NEGR1: variants seen among roughly 807,000 people sequenced by gnomAD.
NEGR1 encodes neuronal growth regulator 1, also known as IgLON family member 4.
In NEGR1, 10 loss-of-function variants were observed where a neutral mutation model predicts 40.9. The observed-to-expected ratio is 0.24, with a 90% confidence interval of 0.15 to 0.42. The LOEUF (loss-of-function observed/expected upper bound fraction) is 0.42, where lower values mean the gene tolerates loss of function less well. Ranked by LOEUF, NEGR1 falls within the 10% of genes least tolerant of loss-of-function variation. The pLI, the probability that NEGR1 is intolerant of heterozygous loss-of-function variation, is 1.00. For missense variants in NEGR1, 352 were observed against 438.9 expected, an observed-to-expected ratio of 0.80 and a Z score of 1.77; for synonymous variants, 185 against 166.8, an observed-to-expected ratio of 1.11 and a Z score of -0.84.
intron 4 of NEGR1, among the ~76,000 whole-genome samples, chr1:71,617,379 A>G (rs1241266015): frequency 3.3e-5 from 5 of 152,236 alleles, no homozygotes; most frequent in Non-Finnish European, 5.9e-5. Context: ...TAGGTTGATG[A>G]ATCTACTGAT....
intron 2 of NEGR1, among the ~76,000 whole-genome samples, chr1:71,829,591 A>G (rs1658766472): frequency 6.6e-6 from 1 of 152,064 alleles, no homozygotes; most frequent in Middle Eastern, 3.4e-3. Flanking sequence ...ACCAAAATCG[A>G]AACGATCAAA....
intron 1 of NEGR1, among the ~76,000 whole-genome samples, chr1:71,946,144 G>A (rs1053558856): frequency 6.6e-6 from 1 of 152,068 alleles, no homozygotes; most frequent in African/African-American, 2.4e-5. Context: ...GACCTCCTGG[G>A]TTCAAGCGAT....
intron 2 of NEGR1, among the ~76,000 whole-genome samples, chr1:71,843,684 C>T (rs934651549): frequency 6.6e-6 from 1 of 152,076 alleles, no homozygotes; most frequent in Non-Finnish European, 1.5e-5. Flanking sequence ...AGAAAATAGT[C>T]TCATCAGTGA....
intron 2 of NEGR1, among the ~76,000 whole-genome samples, chr1:71,813,651 C>CTCTT (rs1480864333): frequency 6.6e-6 from 1 of 152,078 alleles, no homozygotes; most frequent in African/African-American, 2.4e-5. Context: ...TCCTTCACTT[C>CTCTT]TCTTATTAGC....
intron 3 of NEGR1, among the ~76,000 whole-genome samples, chr1:71,769,945 A>G (rs1262280625): frequency 2.6e-5 from 4 of 152,202 alleles, no homozygotes; most frequent in African/African-American, 9.7e-5. Context: ...TTGTATTTGA[A>G]GTTTAAGGAA....
chr1:71,776,385 A>G (rs1656509494), intron 2 of NEGR1, 88 bp from the exon 3 acceptor site: 1 of 783,692 alleles, frequency 1.3e-6, no homozygotes, highest in Admixed American at 3.0e-5. Flanking sequence ...ATCATGCAAG[A>G]AAGGTATGAG....
chr1:71,748,607 A>C (rs925400484), intron 3 of NEGR1, among the ~76,000 whole-genome samples: 7 of 152,162 alleles, frequency 4.6e-5, no homozygotes, highest in Non-Finnish European at 1.0e-4. Flanking sequence ...ATATTTACTT[A>C]TAATATTTCA....
intron 2 of NEGR1, among the ~76,000 whole-genome samples, chr1:71,904,369 A>T (rs545445483): frequency 7.9e-5 from 12 of 152,228 alleles, no homozygotes; most frequent in Admixed American, 6.5e-4. Context: ...TTATAGTAAG[A>T]TCACCAAAAA....
chr1:71,427,603 A>G (rs1175035436), intron 6 of NEGR1, among the ~76,000 whole-genome samples: 1 of 152,198 alleles, frequency 6.6e-6, no homozygotes, highest in Non-Finnish European at 1.5e-5. Flanking sequence ...AATGTATAGT[A>G]TTTCCTGCAC....
chr1:71,431,910 G>A (rs545811164), intron 6 of NEGR1, among the ~76,000 whole-genome samples: 1 of 152,252 alleles, frequency 6.6e-6, no homozygotes, highest in African/African-American at 2.4e-5. Context: ...ATGATTAGGG[G>A]AAACTGAAAT....
At position 71,933,892 on chromosome 1, in the gene NEGR1, G is replaced by A. The variant is rs12025757; in HGVS notation, c.409+1187C>T. 6.6e-5 allele frequency among the ~76,000 whole-genome samples: 10 copies of A among 152,140 alleles called. No homozygotes were observed. The East Asian group carries it at 1.9e-3, about 29-fold the overall frequency. ...TTACTGTACTAACAATTGAAGGTGT[G>A]TTTGAATTCAAGTTTACCTTTACAT... On this transcript the variant is annotated intron_variant, in intron 2 of 6. Transcript: ENST00000357731.
intron 3 of NEGR1, among the ~76,000 whole-genome samples, chr1:71,741,222 T>C (rs771513470): frequency 1.3e-4 from 20 of 152,192 alleles, no homozygotes; most frequent in African/African-American, 4.8e-4. Flanking sequence ...CAATTGTAGC[T>C]GCAGAACATG....
intron 2 of NEGR1, among the ~76,000 whole-genome samples, chr1:71,898,062 G>T (rs1661019892): frequency 6.6e-6 from 1 of 152,076 alleles, no homozygotes; most frequent in Non-Finnish European, 1.5e-5. Context: ...TTGTGCTGTG[G>T]CTAATAATGA....
intron 1 of NEGR1, among the ~76,000 whole-genome samples, chr1:72,142,659 T>C (rs1650731319): frequency 6.6e-6 from 1 of 151,914 alleles, no homozygotes; most frequent in African/African-American, 2.4e-5. Flanking sequence ...TTTGATAATA[T>C]CTATTATCTT....
At chr1:71,606,668 A>G (rs1650085133) in intron 5 of NEGR1, among the ~76,000 whole-genome samples, 1 of 152,142 alleles carries the variant, frequency 6.6e-6, no homozygotes, top group African/African-American at 2.4e-5. Context: ...GTCAACAGTA[A>G]ATTGATGATA....
intron 6 of NEGR1, among the ~76,000 whole-genome samples, chr1:71,512,963 A>T (rs1401720317): frequency 6.6e-6 from 1 of 152,204 alleles, no homozygotes; most frequent in Admixed American, 6.5e-5. Context: ...TACATTAATT[A>T]TCAAGAAACT....
At chr1:72,101,590 A>T (rs1648948644) in intron 1 of NEGR1, among the ~76,000 whole-genome samples, 1 of 152,108 alleles carries the variant, frequency 6.6e-6, no homozygotes, top group African/African-American at 2.4e-5. Flanking sequence ...TTCTTTTTTT[A>T]AATTTATTTT....
chr1:71,787,688 C>A (rs1213986432), intron 2 of NEGR1, among the ~76,000 whole-genome samples: 1 of 152,000 alleles, frequency 6.6e-6, no homozygotes, highest in East Asian at 1.9e-4. Flanking sequence ...GGACAATTTT[C>A]TTGATATAAA....
intron 2 of NEGR1, among the ~76,000 whole-genome samples, chr1:71,866,730 A>G (rs1373495785): frequency 6.6e-6 from 1 of 152,178 alleles, no homozygotes; most frequent in Non-Finnish European, 1.5e-5. Flanking sequence ...TCAGTAAATA[A>G]TATTTATAAG....
Sources: allele counts gnomAD v4.1 joint callset (sites outside exome capture counted in the v4.1 genomes callset), GRCh38; gene constraint gnomAD v4.1.1; transcripts MANE v1.5; gene names NCBI Gene and HGNC (gene_info 2026-07-23, HGNC 2026-07-21).